The following SLC39A11 variants were observed in gnomAD, a reference collection of about 807,000 sequenced individuals.
SLC39A11 encodes the protein solute carrier family 39 member 11, also known as zinc transporter ZIP11.
In SLC39A11, 33 loss-of-function variants were observed where a neutral mutation model predicts 36.1. The ratio of observed to expected loss-of-function variants is 0.91; its 90% CI spans 0.69 to 1.22. The LOEUF is 1.22. Among genes scored for constraint, SLC39A11 ranks in the 50% most tolerant of loss-of-function variants. The probability of loss-of-function intolerance (pLI) is 0.00; values close to 1 mark genes in which losing one functional copy is unlikely to be tolerated. For synonymous variants in SLC39A11, 166 were observed against 170.3 expected (o/e 0.97, Z 0.20); for missense variants, 432 against 430.3 (o/e 1.00, Z -0.03).
intron 7 of SLC39A11, among the ~76,000 whole-genome samples, chr17:72,682,128 G>T (rs7216818): frequency 0.038 from 5,831 of 152,182 alleles, 367 homozygotes; most frequent in African/African-American, 0.13. Flanking sequence ...TGTGATGATC[G>T]GTCACTGTCC....
At chr17:72,783,106 A>AGATTCTCACCAGAAAGCAGAT (rs71154919) in intron 6 of SLC39A11, among the ~76,000 whole-genome samples, 1 of 148,956 alleles carries the variant, frequency 6.7e-6, no homozygotes, top group Non-Finnish European at 1.5e-5. Context: ...ACCAGAAAGC[A>AGATTCTCACCAGAAAGCAGAT]GATTCTCACC....
intron 5 of SLC39A11, among the ~76,000 whole-genome samples, chr17:72,861,782 A>ATATATATATATATATATC (rs1271434359): frequency 1.1e-5 from 1 of 91,476 alleles, no homozygotes; most frequent in Non-Finnish European, 2.2e-5. Context: ...ATATATATAT[A>ATATATATATATATATATC]TCCAATGCTA....
rs571699816 is a variant in SLC39A11, at chr17:72,793,457, G to C, written c.601+56177C>G. Among the ~76,000 whole-genome samples the C allele has an allele frequency of 3.9e-5, 6 of 152,254 alleles. No homozygotes were observed. The South Asian group carries it at 1.2e-3, about 32-fold the overall frequency. ...CCCTAAGGTGTTTATGTTTGAAAGG[G>C]AGAGATTTTCTTTCTTTCATACAAT... is the stretch of plus-strand genomic sequence containing the variant. On this transcript the variant is annotated intron_variant, in intron 6 of 9. Coordinates refer to ENST00000255559, the MANE Select transcript of SLC39A11 (RefSeq NM_139177.4).
At chr17:73,038,636 G>A (rs2059003377) in intron 3 of SLC39A11, among the ~76,000 whole-genome samples, 1 of 151,624 alleles carries the variant, frequency 6.6e-6, no homozygotes, top group Non-Finnish European at 1.5e-5. Context: ...GAACCCAGGA[G>A]GCAGAGATTG....
intron 6 of SLC39A11, among the ~76,000 whole-genome samples, chr17:72,752,959 A>T (rs1598578836): frequency 6.6e-6 from 1 of 151,988 alleles, no homozygotes; most frequent in South Asian, 2.1e-4. Context: ...GGGCCCAACC[A>T]ATCTTCCCAC....
chr17:73,083,954 G>C (rs1599217722), intron 3 of SLC39A11, among the ~76,000 whole-genome samples: 1 of 152,152 alleles, frequency 6.6e-6, no homozygotes, highest in East Asian at 1.9e-4. Flanking sequence ...AGTTAGACAT[G>C]TGTGTTGAAT....
At chr17:72,964,697 T>C (rs984986545) in intron 4 of SLC39A11, among the ~76,000 whole-genome samples, 7 of 152,138 alleles carry the variant, frequency 4.6e-5, no homozygotes, top group Admixed American at 3.3e-4. Context: ...AGTGTGGCAA[T>C]TACTCAGGGA....
intron 7 of SLC39A11, among the ~76,000 whole-genome samples, chr17:72,722,673 T>C (rs575024668): frequency 9.3e-4 from 141 of 152,152 alleles, no homozygotes; most frequent in African/African-American, 3.3e-3. Context: ...CTCGCTCTGT[T>C]GCCCAGGCTG....
intron 3 of SLC39A11, among the ~76,000 whole-genome samples, chr17:73,068,700 C>G (rs560608039): frequency 6.6e-6 from 1 of 152,238 alleles, no homozygotes; most frequent in East Asian, 1.9e-4. Context: ...GCCAAGTCCT[C>G]TAGACTCTCC....
At chr17:73,078,368 G>A (rs2060396570) in intron 3 of SLC39A11, among the ~76,000 whole-genome samples, 1 of 152,132 alleles carries the variant, frequency 6.6e-6, no homozygotes, top group Non-Finnish European at 1.5e-5. Context: ...ATGTAAATAT[G>A]CAGACAGATA....
intron 6 of SLC39A11, among the ~76,000 whole-genome samples, chr17:72,790,241 G>A (rs58378827): frequency 6.6e-6 from 1 of 152,090 alleles, no homozygotes; most frequent in African/African-American, 2.4e-5. Context: ...CAGGCTGGGG[G>A]GTCATCCCAG....
chr17:73,031,794 G>C, intron 3 of SLC39A11, 80 bp from the exon 4 acceptor site: 1 of 1,428,554 alleles, frequency 7.0e-7, no homozygotes, highest in South Asian at 1.3e-5. Context: ...GCTCTCTGTG[G>C]CCCAGATTGA....
At chr17:72,897,524 C>G (rs2082092698) in intron 5 of SLC39A11, among the ~76,000 whole-genome samples, 1 of 152,092 alleles carries the variant, frequency 6.6e-6, no homozygotes. Flanking sequence ...GTTGGTACCC[C>G]TAATTCAGAA....
intron 4 of SLC39A11, among the ~76,000 whole-genome samples, chr17:73,005,942 C>A (rs1454946116): frequency 6.6e-6 from 1 of 152,012 alleles, no homozygotes; most frequent in East Asian, 1.9e-4. Flanking sequence ...CAGAGCAAGA[C>A]TCCGACTCAA....
chr17:72,974,431 C>CA (rs35927526), intron 4 of SLC39A11, among the ~76,000 whole-genome samples: 103,950 of 132,386 alleles, frequency 0.79, 41,128 homozygotes, highest in South Asian at 0.88. Flanking sequence ...CATTTTGTAC[C>CA]AAAAAAAAAA....
At chr17:72,792,969 T>A (rs1047721326) in intron 6 of SLC39A11, among the ~76,000 whole-genome samples, 1 of 152,100 alleles carries the variant, frequency 6.6e-6, no homozygotes, top group Non-Finnish European at 1.5e-5. Flanking sequence ...CTCAGGATGC[T>A]CCCTACTGCC....
intron 6 of SLC39A11, among the ~76,000 whole-genome samples, chr17:72,843,523 CAG>C (rs1209461224): frequency 6.6e-6 from 1 of 152,052 alleles, no homozygotes; most frequent in Non-Finnish European, 1.5e-5. Flanking sequence ...AATGAGACTC[CAG>C]AGAGTGCCCT....
Position 73,020,485 on chromosome 17 carries a change from C to G in SLC39A11, c.306+11071G>C, listed in dbSNP as rs199683364. 7.2e-5 allele frequency among the ~76,000 whole-genome samples: 11 copies of G among 152,174 alleles called. No individual in the cohort carries two copies. In the East Asian group the frequency reaches 2.1e-3, roughly 29 times the overall value. ...ACTTCAGTATTTTTTTATGGCAGCCCAAGCCAATTTAGATAGCAGGAACCC... is the reference window on the plus strand; with the variant it reads ...ACTTCAGTATTTTTTTATGGCAGCCGAAGCCAATTTAGATAGCAGGAACCC... On this transcript the variant is annotated intron_variant, in intron 4 of 9. Transcript: ENST00000255559.
chr17:72,922,600 C>T (rs943808888), intron 5 of SLC39A11, among the ~76,000 whole-genome samples: 3 of 152,166 alleles, frequency 2.0e-5, no homozygotes, highest in African/African-American at 7.2e-5. Context: ...TGCCACTTCC[C>T]TAAGGAGCTT....
Sources: allele counts gnomAD v4.1 joint callset (sites outside exome capture counted in the v4.1 genomes callset), GRCh38; gene constraint gnomAD v4.1.1; transcripts MANE v1.5; gene names NCBI Gene and HGNC (gene_info 2026-07-23, HGNC 2026-07-21).